SMAD4: variants seen among roughly 807,000 people sequenced by gnomAD.
SMAD4 encodes SMAD family member 4, also known as MAD homolog 4.
Under a neutral mutation model 63.2 loss-of-function variants are expected in SMAD4, and 7 were observed. That is an observed-to-expected ratio of 0.11 (90% CI 0.06 to 0.21). SMAD4 has a LOEUF of 0.21. Ranked by LOEUF, SMAD4 falls within the 10% of genes least tolerant of loss-of-function variation. The probability of loss-of-function intolerance (pLI) is 1.00; values close to 1 mark genes in which losing one functional copy is unlikely to be tolerated. For synonymous variants in SMAD4, 215 were observed against 235.4 expected (o/e 0.91, Z 0.79); for missense variants, 312 against 693.8 (o/e 0.45, Z 6.18).
chr18:51,047,573 T>C (rs1272262991), intron 2 of SMAD4, among the ~76,000 whole-genome samples: 1 of 151,894 alleles, frequency 6.6e-6, no homozygotes, highest in Non-Finnish European at 1.5e-5. Flanking sequence ...GAACTACCTT[T>C]AGCACTTTGG....
At chr18:51,075,162 C>T (rs1910441013) in intron 10 of SMAD4, among the ~76,000 whole-genome samples, 1 of 152,136 alleles carries the variant, frequency 6.6e-6, no homozygotes, top group Non-Finnish European at 1.5e-5. Flanking sequence ...AGGAAATGGA[C>T]ACTGAGTAGA....
chr18:51,069,656 A>G (rs1228234206), intron 10 of SMAD4, among the ~76,000 whole-genome samples: 1 of 152,228 alleles, frequency 6.6e-6, no homozygotes, highest in East Asian at 1.9e-4. Flanking sequence ...ATTGAGTTCC[A>G]TTCTGCAGGT....
Position 51,082,519 on chromosome 18 carries a change from A to G in SMAD4, c.*4052A>G, listed in dbSNP as rs1221978608. 9 of 228,814 alleles carry G rather than the reference A, an allele frequency of 3.9e-5. No individual in the cohort carries two copies. Among genetic ancestry groups the G allele is most frequent in the Non-Finnish European group, 4.3e-5 (5 of 115,344 alleles). The allele number at this position is 228,814 out of a possible 1,614,324, so 14.2% of individuals were successfully genotyped here. A position where few individuals can be genotyped will look rare whatever the true frequency, so the allele number is the denominator to read the frequency against. On this transcript the variant is annotated 3_prime_UTR_variant, in exon 12 of 12. Transcript: ENST00000342988. ...ATCACTGTGGAGTGAAATTTTCCAC[A>G]TCATCCAGAATTGCCTTATTTAAGA...
intron 1 of SMAD4, among the ~76,000 whole-genome samples, chr18:51,040,933 A>C (rs1909360456): frequency 6.6e-6 from 1 of 152,148 alleles, no homozygotes; most frequent in South Asian, 2.1e-4. Context: ...CTGCTTTTAA[A>C]TTTTTTAATC....
chr18:51,033,839 A>G (rs1345404556), intron 1 of SMAD4, among the ~76,000 whole-genome samples: 1 of 152,210 alleles, frequency 6.6e-6, no homozygotes, highest in Non-Finnish European at 1.5e-5. Context: ...ATTTGTTTTT[A>G]ACTATGAGAG....
In SMAD4 at chr18:51,059,882, G is replaced by A. The variant is rs876660255; in HGVS notation, c.921G>A (p.Glu307=). Residue 307 remains glutamate, a synonymous_variant, in exon 8 of 12, where the codon GAG becomes GAA. Transcript: ENST00000342988. ...HPGHYWPVHN[E]LAFQPPISNH... is the part of the protein sequence containing the mutation. ...TTTCTTTAGGGCCTGTTCACAATGA[G>A]CTTGCATTCCAGCCTCCCATTTCCA... 1 of 1,613,206 alleles carries A rather than the reference G, an allele frequency of 6.2e-7. No individual in the cohort carries two copies. Among genetic ancestry groups the A allele is most frequent in the Admixed American group, 1.7e-5 (1 of 60,016 alleles).
intron 10 of SMAD4, among the ~76,000 whole-genome samples, chr18:51,072,596 C>T (rs1378127563): frequency 6.6e-6 from 1 of 152,118 alleles, no homozygotes; most frequent in Non-Finnish European, 1.5e-5. Flanking sequence ...TATAGTATTG[C>T]ATTTAAGCCT....
In SMAD4 at chr18:51,079,037, A is replaced by G. The variant is rs1308641345; in HGVS notation, c.*570A>G. 8.6e-6 allele frequency: 2 copies of G among 233,380 alleles called. No homozygotes were observed. The highest frequency in any genetic ancestry group is 6.1e-5 in the East Asian group (1 of 16,462). The allele number at this position is 233,380 out of a possible 1,614,324, so 14.5% of individuals were successfully genotyped here. ...ATCCAAAATATTTTTTGCAAGTTATATTAGTGAAGATGGTTTCAATTCAGA... is the reference window on the plus strand; with the variant it reads ...ATCCAAAATATTTTTTGCAAGTTATGTTAGTGAAGATGGTTTCAATTCAGA... On this transcript the variant is annotated 3_prime_UTR_variant, in exon 12 of 12. Coordinates refer to ENST00000342988, the MANE Select transcript of SMAD4 (RefSeq NM_005359.6).
intron 7 of SMAD4, among the ~76,000 whole-genome samples, chr18:51,059,050 A>T (rs1909930003): frequency 6.6e-6 from 1 of 152,200 alleles, no homozygotes; most frequent in Admixed American, 6.5e-5. Context: ...AAAAGTATAA[A>T]TAAGAAAAGC....
chr18:51,049,627 T>G, intron 4 of SMAD4: 1 of 325,224 alleles, frequency 3.1e-6, no homozygotes, highest in Non-Finnish European at 5.7e-6. Context: ...AAGACCTATT[T>G]TTGAAGAAAA....
intron 1 of SMAD4, among the ~76,000 whole-genome samples, chr18:51,035,323 C>A (rs572542447): frequency 8.8e-4 from 134 of 152,214 alleles, no homozygotes; most frequent in African/African-American, 3.0e-3. Context: ...AGTATATTCT[C>A]AAATGCTTAC....
chr18:51,071,807 A>G (rs534699001), intron 10 of SMAD4, among the ~76,000 whole-genome samples: 2 of 152,312 alleles, frequency 1.3e-5, no homozygotes, highest in East Asian at 3.9e-4. Context: ...GCTCTAGACA[A>G]CCACTATTCT....
intron 5 of SMAD4, among the ~76,000 whole-genome samples, 161 bp from the exon 6 acceptor site, chr18:51,057,964 A>G (rs1025316582): frequency 6.6e-6 from 1 of 152,226 alleles, no homozygotes; most frequent in African/African-American, 2.4e-5. Context: ...GCCTTTATAG[A>G]TGACTGTAGG....
chr18:51,059,760 CAA>C lies in SMAD4; in HGVS notation c.905-105_905-104del. 4 of 849,668 alleles carry C rather than the reference CAA, an allele frequency of 4.7e-6. No individual in the cohort carries two copies. In the South Asian group the frequency reaches 5.7e-5, roughly 12 times the overall value. 52.6% of individuals were successfully genotyped at this position (849,668 alleles called of 1,614,324 possible). On this transcript the variant is annotated intron_variant, in intron 7 of 11. Transcript: ENST00000342988. ...AGACATTGCATAAGCTTGTTTTAAA[CAA>C]TTCCTAACCTATAATAGTTATATTT... is the stretch of plus-strand genomic sequence containing the variant.
chr18:51,047,885 A>G (rs1909594350), intron 2 of SMAD4, among the ~76,000 whole-genome samples: 1 of 152,198 alleles, frequency 6.6e-6, no homozygotes, highest in Admixed American at 6.5e-5. Flanking sequence ...CTGGCATTAC[A>G]GGCGTGAGCC....
At chr18:51,036,192 G>A (rs1473719253) in intron 1 of SMAD4, among the ~76,000 whole-genome samples, 2 of 151,938 alleles carry the variant, frequency 1.3e-5, no homozygotes, top group Admixed American at 1.3e-4. Flanking sequence ...TTGCTTTGTT[G>A]CCCAGGCTAG....
intron 8 of SMAD4, 143 bp downstream of exon 8, chr18:51,060,059 T>A (rs956180540): frequency 4.2e-6 from 3 of 709,906 alleles, no homozygotes; most frequent in African/African-American, 3.5e-5. Flanking sequence ...ATCAACAGTT[T>A]GAGTAGTCAA....
intron 10 of SMAD4, among the ~76,000 whole-genome samples, chr18:51,071,534 T>A (rs923975428): frequency 6.6e-6 from 1 of 152,256 alleles, no homozygotes; most frequent in Non-Finnish European, 1.5e-5. Context: ...GTGGCCTTGT[T>A]CTTTTGCTTT....
intron 1 of SMAD4, among the ~76,000 whole-genome samples, chr18:51,041,235 C>G (rs996894407): frequency 6.6e-6 from 1 of 152,212 alleles, no homozygotes. Context: ...TGAACCTACT[C>G]TAGACAAAGC....
Sources: allele counts gnomAD v4.1 joint callset (sites outside exome capture counted in the v4.1 genomes callset), GRCh38; gene constraint gnomAD v4.1.1; transcripts MANE v1.5; gene names NCBI Gene and HGNC (gene_info 2026-07-23, HGNC 2026-07-21).